The following MAPK14 variants were observed in gnomAD, a reference collection of about 807,000 sequenced individuals.
The protein encoded by MAPK14 is mitogen-activated protein kinase 14.
In MAPK14, 16 loss-of-function variants were observed where a neutral mutation model predicts 49.6. The ratio of observed to expected loss-of-function variants is 0.32; its 90% CI spans 0.22 to 0.49. The LOEUF (loss-of-function observed/expected upper bound fraction) is 0.49. Ranked by LOEUF, MAPK14 falls within the 20% of genes least tolerant of loss-of-function variation. The pLI is 0.99. For synonymous variants in MAPK14, 142 were observed against 158.0 expected (o/e 0.90, Z 0.76); for missense variants, 200 against 441.2 (o/e 0.45, Z 4.90).
chr6:36,094,593 T>A (rs957041338), intron 8 of MAPK14, among the ~76,000 whole-genome samples: 1 of 152,206 alleles, frequency 6.6e-6, no homozygotes, highest in Admixed American at 6.5e-5. Flanking sequence ...TTATAGAGAC[T>A]GTTGTTTTTA....
At chr6:36,053,923 G>A (rs1763493394) in intron 2 of MAPK14, among the ~76,000 whole-genome samples, 1 of 149,432 alleles carries the variant, frequency 6.7e-6, no homozygotes, top group Non-Finnish European at 1.5e-5. Context: ...TTGATTGTAT[G>A]CTATTGAGGA....
intron 1 of MAPK14, among the ~76,000 whole-genome samples, chr6:36,033,421 A>G (rs896897704): frequency 6.6e-6 from 1 of 151,998 alleles, no homozygotes; most frequent in African/African-American, 2.4e-5. Context: ...AGTTCAAGCA[A>G]TTCTCCTGCC....
In MAPK14 at chr6:36,072,942, C is replaced by T. The variant is rs1165453148; in HGVS notation, c.375C>T (p.Asp125=). 1 of 1,613,234 alleles carries T rather than the reference C, an allele frequency of 6.2e-7. No individual in the cohort carries two copies. Among genetic ancestry groups the T allele is most frequent in the East Asian group, 2.2e-5 (1 of 44,848 alleles). The change falls in exon 4 of 12, where the codon GAC becomes GAT. Residue 125 remains aspartate, a synonymous_variant. Coordinates refer to ENST00000229794, the MANE Select transcript of MAPK14 (RefSeq NM_139012.3). ...NIVKCQKLTD[D]HVQFLIYQIL... The stretch of plus-strand genomic sequence containing the variant: ...TGAAATGTCAGAAGCTTACAGATGA[C>T]CATGTTCAGTTCCTTATCTACCAAA...
chr6:36,108,549 T>C lies in MAPK14; in HGVS notation c.*102T>C. 1.0e-6 allele frequency: 1 copy of C among 959,896 alleles called. No individual in the cohort carries two copies. 59.5% of individuals were successfully genotyped at this position (959,896 alleles called of 1,614,324 possible). A position where few individuals can be genotyped will look rare whatever the true frequency, so the allele number is the denominator to read the frequency against. On this transcript the variant is annotated 3_prime_UTR_variant, in exon 12 of 12. Transcript: ENST00000229794. ...TCAAGTGCCTCTTGTTGCAGAGATT[T>C]CCTCCATGGTGGAAGGGGGTGTGCG...
At chr6:36,036,145 A>G (rs1581728899) in intron 1 of MAPK14, among the ~76,000 whole-genome samples, 1 of 151,998 alleles carries the variant, frequency 6.6e-6, no homozygotes, top group East Asian at 1.9e-4. Context: ...CTGAGGCAGG[A>G]GAATTGCTTG....
intron 2 of MAPK14, among the ~76,000 whole-genome samples, chr6:36,057,282 A>G (rs1324225042): frequency 6.6e-6 from 1 of 152,250 alleles, no homozygotes; most frequent in African/African-American, 2.4e-5. Flanking sequence ...GTAAAAAGGC[A>G]GGATATAAAA....
At chr6:36,053,588 C>G (rs1230175919) in intron 2 of MAPK14, among the ~76,000 whole-genome samples, 2 of 152,100 alleles carry the variant, frequency 1.3e-5, no homozygotes, top group African/African-American at 4.8e-5. Flanking sequence ...ATTTCTGTGA[C>G]TGCTATATGA....
At chr6:36,082,307 T>C (rs1186910233) in intron 8 of MAPK14, among the ~76,000 whole-genome samples, 1 of 152,208 alleles carries the variant, frequency 6.6e-6, no homozygotes, top group Non-Finnish European at 1.5e-5. Context: ...CTTGTTCCTG[T>C]CTTAGGGGGA....
chr6:36,062,674 T>TC (rs1763871159), intron 3 of MAPK14, among the ~76,000 whole-genome samples: 1 of 150,858 alleles, frequency 6.6e-6, no homozygotes, highest in Non-Finnish European at 1.5e-5. Flanking sequence ...TTTTTTTTTT[T>TC]TGAGGTGGAG....
At chr6:36,079,204 A>G (rs1182351033) in intron 8 of MAPK14, among the ~76,000 whole-genome samples, 1 of 152,254 alleles carries the variant, frequency 6.6e-6, no homozygotes, top group African/African-American at 2.4e-5. Context: ...ACCAAGACCC[A>G]GAGAATATAA....
the MAPK14 span, among the ~76,000 whole-genome samples, chr6:36,122,513 C>A: frequency 6.6e-6 from 1 of 152,222 alleles, no homozygotes; most frequent in East Asian, 1.9e-4. Flanking sequence ...GCCAGGCACT[C>A]TTCCAGGTAC....
chr6:36,077,495 C>T (rs2127446962), intron 8 of MAPK14, among the ~76,000 whole-genome samples: 1 of 151,486 alleles, frequency 6.6e-6, no homozygotes, highest in East Asian at 1.9e-4. Context: ...CATTTTAGTC[C>T]CTTACCTAAA....
At position 36,074,040 on chromosome 6, in the gene MAPK14, G is replaced by A; in HGVS notation, c.448-9G>A. The A allele has an allele frequency of 6.2e-7, 1 of 1,607,616 alleles. No individual in the cohort carries two copies. The highest frequency in any genetic ancestry group is 8.5e-7 in the Non-Finnish European group (1 of 1,174,428). On this transcript the variant is annotated splice_polypyrimidine_tract_variant and intron_variant, in intron 5 of 11. Coordinates refer to ENST00000229794, the MANE Select transcript of MAPK14 (RefSeq NM_139012.3). ...AGTTGATCCTGTCTTCCCTGTATTT[G>A]CTTCCTAGGACCTAAAACCTAGTAA...
In MAPK14 at chr6:36,110,106, T is replaced by C. The variant is rs200508472; in HGVS notation, c.*1659T>C. On this transcript the variant is annotated 3_prime_UTR_variant, in exon 12 of 12. Transcript: ENST00000229794. Reference sequence around the variant, plus strand: ...TCATAACTTGCTGAATTTCAGGCATTTTGTTCTACATGAGGACTCATATAT... The same window carrying C: ...TCATAACTTGCTGAATTTCAGGCATCTTGTTCTACATGAGGACTCATATAT... 2.0e-4 allele frequency: 30 copies of C among 152,216 alleles called. No homozygotes were observed. The highest frequency in any genetic ancestry group is 7.2e-4 in the African/African-American group (30 of 41,454). The allele number at this position is 152,216 out of a possible 1,614,324, so 9.4% of individuals were successfully genotyped here. A position where few individuals can be genotyped will look rare whatever the true frequency, so the allele number is the denominator to read the frequency against.
At chr6:36,056,938 T>C (rs1428170537) in intron 2 of MAPK14, among the ~76,000 whole-genome samples, 2 of 152,090 alleles carry the variant, frequency 1.3e-5, no homozygotes, top group Non-Finnish European at 2.9e-5. Context: ...AGGGAAACGA[T>C]TATGGTTTAG....
intron 10 of MAPK14, among the ~76,000 whole-genome samples, chr6:36,104,866 C>T (rs1461178840): frequency 1.3e-5 from 2 of 152,118 alleles, no homozygotes; most frequent in Middle Eastern, 3.2e-3. Flanking sequence ...GGTCACATAC[C>T]TCCTGATAGG....
At chr6:36,097,463 T>C (rs1210252178) in intron 9 of MAPK14, 1 of 152,214 alleles carries the variant, frequency 6.6e-6, no homozygotes, top group Non-Finnish European at 1.5e-5. Context: ...CAGATGATGC[T>C]TAGAAAGAGC....
intron 1 of MAPK14, among the ~76,000 whole-genome samples, chr6:36,030,503 C>T (rs955686675): frequency 4.0e-5 from 6 of 151,800 alleles, no homozygotes; most frequent in Non-Finnish European, 7.4e-5. Flanking sequence ...CTGGCTAACA[C>T]GGTGAAACCC....
intron 9 of MAPK14, among the ~76,000 whole-genome samples, chr6:36,098,893 T>C (rs75659243): frequency 0.021 from 3,206 of 152,300 alleles, 113 homozygotes; most frequent in African/African-American, 0.067. Context: ...AAGAATTCCA[T>C]CATCTGGTAT....
Sources: allele counts gnomAD v4.1 joint callset (sites outside exome capture counted in the v4.1 genomes callset), GRCh38; gene constraint gnomAD v4.1.1; transcripts MANE v1.5; gene names NCBI Gene and HGNC (gene_info 2026-07-23, HGNC 2026-07-21).